Variants in CR2 observed in about 807,000 individuals in gnomAD.
CR2 encodes the protein complement receptor type 2.
Under a neutral mutation model 123.0 loss-of-function variants are expected in CR2, and 96 were observed. That is an observed-to-expected ratio of 0.78 (90% CI 0.66 to 0.93). The LOEUF is 0.93. Ranked by LOEUF, CR2 falls within the 40% of genes least tolerant of loss-of-function variation. CR2 has a pLI of 0.00. For synonymous variants in CR2, 484 were observed against 469.5 expected (o/e 1.03, Z -0.40); for missense variants, 1,258 against 1,361.0 (o/e 0.92, Z 1.19).
chr1:207,475,909 T>C (rs1658422963), intron 14 of CR2, among the ~76,000 whole-genome samples: 1 of 152,226 alleles, frequency 6.6e-6, no homozygotes, highest in East Asian at 1.9e-4. Context: ...CTAGCTCTCG[T>C]AGACATTTGA....
At chr1:207,478,953 C>A (rs1558196273) in intron 16 of CR2, among the ~76,000 whole-genome samples, 1 of 150,146 alleles carries the variant, frequency 6.7e-6, no homozygotes, top group African/African-American at 2.5e-5. Flanking sequence ...TCCAATACAT[C>A]TTTTTTATCT....
chr1:207,485,243 G>A (rs1005728080), intron 18 of CR2, among the ~76,000 whole-genome samples: 14 of 152,228 alleles, frequency 9.2e-5, no homozygotes, highest in Non-Finnish European at 1.3e-4. Context: ...TGTAGATGAC[G>A]GGTTGTTGGG....
In CR2 at chr1:207,478,051, C is replaced by T. The variant is rs1658491656; in HGVS notation, c.3069C>T (p.Pro1023=). The change falls in exon 16 of 20, where the codon CCC becomes CCT. Residue 1023 remains proline, a synonymous_variant. Coordinates refer to ENST00000367057, the MANE Select transcript of CR2 (RefSeq NM_001006658.3). ...AATCGGATCACCAATGGAACCCTCCCCTGGCGGTTTGCAGATCCCGTAAGT... is the reference window on the plus strand; with the variant it reads ...AATCGGATCACCAATGGAACCCTCCTCTGGCGGTTTGCAGATCCCGTAAGT... The part of the protein sequence containing the change: ...QCQSDHQWNP[P]LAVCRSRSLA... The T allele has an allele frequency of 6.2e-7, 1 of 1,613,866 alleles. No homozygotes were observed. The highest frequency in any genetic ancestry group is 2.2e-5 in the East Asian group (1 of 44,832).
chr1:207,481,992 C>A (rs1483638276), intron 18 of CR2, among the ~76,000 whole-genome samples: 1 of 151,924 alleles, frequency 6.6e-6, no homozygotes, highest in Non-Finnish European at 1.5e-5. Context: ...GTTTTTGTCT[C>A]ATTTTACTGA....
chr1:207,471,856 T>A (rs1213196681), intron 9 of CR2: 2 of 341,524 alleles, frequency 5.9e-6, no homozygotes, highest in African/African-American at 4.3e-5. Context: ...CTTACTAGTG[T>A]GAGACCTTGG....
At chr1:207,485,642 G>A (rs527559846) in intron 19 of CR2, 70 bp downstream of exon 19, 92 of 891,182 alleles carry the variant, frequency 1.0e-4, no homozygotes, top group Non-Finnish European at 1.4e-4. Context: ...ATCAATAAGC[G>A]TAGCATTCAC....
chr1:207,463,597 G>A (rs1035261921), intron 1 of CR2, among the ~76,000 whole-genome samples: 1 of 152,088 alleles, frequency 6.6e-6, no homozygotes, highest in Non-Finnish European at 1.5e-5. Flanking sequence ...AAAGAACTAA[G>A]TTTTTCTAAA....
At chr1:207,485,429 A>G in intron 18 of CR2, 35 bp from the exon 19 acceptor site, 3 of 1,323,406 alleles carry the variant, frequency 2.3e-6, no homozygotes, top group Non-Finnish European at 3.3e-6. Context: ...GTCAATGAGT[A>G]AAGATATTAC....
intron 8 of CR2, 29 bp downstream of exon 8, chr1:207,471,116 A>T: frequency 1.2e-6 from 2 of 1,602,116 alleles, no homozygotes; most frequent in Non-Finnish European, 1.7e-6. Context: ...AGTCTGACCC[A>T]ATTCCGGTGT....
chr1:207,457,402 T>C (rs1256091717), intron 1 of CR2, among the ~76,000 whole-genome samples: 1 of 152,226 alleles, frequency 6.6e-6, no homozygotes, highest in Non-Finnish European at 1.5e-5. Context: ...TACCTCTTTC[T>C]GTATGATCAT....
At chr1:207,473,992 A>C in intron 12 of CR2, 107 bp downstream of exon 12, 2 of 1,051,430 alleles carry the variant, frequency 1.9e-6, no homozygotes, top group Admixed American at 1.9e-5. Flanking sequence ...CCTCATTGTC[A>C]CAGGCATGGA....
chr1:207,466,993 A>G (rs760385843), intron 2 of CR2, 81 bp downstream of exon 2: 21 of 1,469,580 alleles, frequency 1.4e-5, no homozygotes, highest in Admixed American at 2.3e-5. Flanking sequence ...CTCCTGAAGG[A>G]CAAACAGTGT....
chr1:207,454,662 C>T lies in CR2; in HGVS notation c.58+186C>T. On this transcript the variant is annotated intron_variant, in intron 1 of 19. Transcript: ENST00000367057. This position sits in a 1 kb window ranked among gnomAD's most constrained non-coding sequence, Gnocchi z 4.3. ...TGGTCCTGATTGTCCCCACTGGCCC[C>T]TCCGGGAGCTGGGACCTCCAGAATT... 3.8e-6 allele frequency: 2 copies of T among 531,068 alleles called. No individual in the cohort carries two copies. The highest frequency in any genetic ancestry group is 3.4e-5 in the East Asian group (1 of 29,046). 32.9% of individuals were successfully genotyped at this position (531,068 alleles called of 1,614,324 possible).
intron 1 of CR2, among the ~76,000 whole-genome samples, chr1:207,458,054 G>T (rs1056834984): frequency 2.3e-4 from 6 of 25,544 alleles, no homozygotes; most frequent in African/African-American, 8.8e-4. Context: ...CTACCTCAAG[G>T]CCACAACACA....
At position 207,474,904 on chromosome 1, in the gene CR2, G is replaced by A. The variant is rs1462613547; in HGVS notation, c.2404G>A (p.Glu802Lys). The change falls in exon 14 of 20, where the codon GAA becomes AAA. Residue 802 changes from glutamate to lysine, a missense_variant. Glu to Lys is a moderately conservative substitution (Grantham distance 56, BLOSUM62 1). Coordinates refer to ENST00000367057, the MANE Select transcript of CR2 (RefSeq NM_001006658.3). ...MMAENFLYGN[E>K]VSYECDQGFY... ...GGCAGAAAACTTTCTATATGGAAAT[G>A]AAGTCTCTTATGAATGTGACCAAGG... 3.7e-6 allele frequency: 6 copies of A among 1,614,036 alleles called. No individual in the cohort carries two copies. The highest frequency in any genetic ancestry group is 5.1e-6 in the Non-Finnish European group (6 of 1,179,958).
At chr1:207,462,292 G>A (rs1339317675) in intron 1 of CR2, among the ~76,000 whole-genome samples, 1 of 152,136 alleles carries the variant, frequency 6.6e-6, no homozygotes, top group Non-Finnish European at 1.5e-5. Flanking sequence ...TGAGGTCATA[G>A]AGAAATAAAT....
Position 207,472,218 on chromosome 1 carries a change from C to A in CR2, c.1571-554C>A, listed in dbSNP as rs12069598. Among the ~76,000 whole-genome samples, 1,259 of 151,964 alleles carry A rather than the reference C, an allele frequency of 8.3e-3. 18 individuals carry two copies. The highest frequency in any genetic ancestry group is 0.029 in the African/African-American group (1,208 of 41,378). On this transcript the variant is annotated intron_variant, in intron 9 of 19. Coordinates refer to ENST00000367057, the MANE Select transcript of CR2 (RefSeq NM_001006658.3). ...GAGCTGAGATCACACCACTGCACTC[C>A]AGCCTAGGCAACAGCGTGAGACTCC...
At chr1:207,488,334 T>C (rs61821135) in intron 19 of CR2, among the ~76,000 whole-genome samples, 8,666 of 152,136 alleles carry the variant, frequency 0.057, 326 homozygotes, top group Non-Finnish European at 0.092. Flanking sequence ...ATCTAGAAAA[T>C]AAAGATACCA....
intron 18 of CR2, among the ~76,000 whole-genome samples, chr1:207,481,138 T>C (rs1658591915): frequency 6.6e-6 from 1 of 152,118 alleles, no homozygotes; most frequent in Non-Finnish European, 1.5e-5. Flanking sequence ...AAATTAGATA[T>C]ATTTTTGCAT....
Sources: allele counts gnomAD v4.1 joint callset (sites outside exome capture counted in the v4.1 genomes callset), GRCh38; gene constraint gnomAD v4.1.1; non-coding constraint Gnocchi (gnomAD v3.1); transcripts MANE v1.5; gene names NCBI Gene and HGNC (gene_info 2026-07-23, HGNC 2026-07-21).